TIAM2: variants seen among roughly 807,000 people sequenced by gnomAD.
TIAM2 encodes the protein rho guanine nucleotide exchange factor TIAM2.
In TIAM2, 80 loss-of-function variants were observed where a neutral mutation model predicts 152.9. The ratio of observed to expected loss-of-function variants is 0.52; its 90% CI spans 0.44 to 0.63. The LOEUF (loss-of-function observed/expected upper bound fraction) is 0.63. TIAM2 is among the 30% of genes least tolerant of loss of function. TIAM2 has a pLI of 0.00. For synonymous variants in TIAM2, 804 were observed against 838.0 expected, an observed-to-expected ratio of 0.96 and a Z score of 0.70; for missense variants, 1,965 against 2,120.1, an observed-to-expected ratio of 0.93 and a Z score of 1.44.
chr6:155,067,724 TC>T (rs1425836167), intron 1 of TIAM2, among the ~76,000 whole-genome samples: 1 of 152,142 alleles, frequency 6.6e-6, no homozygotes, highest in Non-Finnish European at 1.5e-5. Flanking sequence ...CACTGCAGCC[TC>T]CACCTCCCTG....
chr6:155,257,145 TAA>T lies in TIAM2; in HGVS notation c.*26_*27del, dbSNP rs1562380624. 3 of 1,584,422 alleles carry T rather than the reference TAA, an allele frequency of 1.9e-6. No individual in the cohort carries two copies. ...AGTATGATTCAATCCAGATATGGGT[TAA>T]ATTCCTCATTTTACTTTTAAACTGG... On this transcript the variant is annotated 3_prime_UTR_variant, in exon 27 of 27. Coordinates refer to ENST00000682666, the MANE Select transcript of TIAM2 (RefSeq NM_012454.4).
chr6:155,220,833 G>A (rs1263271058), intron 15 of TIAM2, among the ~76,000 whole-genome samples: 1 of 152,006 alleles, frequency 6.6e-6, no homozygotes, highest in Non-Finnish European at 1.5e-5. Context: ...TGTTACATAG[G>A]TATACATGTG....
chr6:155,137,804 A>G (rs1779590468), intron 5 of TIAM2, among the ~76,000 whole-genome samples, 192 bp downstream of exon 5: 1 of 152,166 alleles, frequency 6.6e-6, no homozygotes, highest in Admixed American at 6.5e-5. Context: ...CACATGTATT[A>G]TGCAGTTCAA....
chr6:154,999,542 T>C (rs1161125008), intron 1 of TIAM2, among the ~76,000 whole-genome samples: 1 of 152,058 alleles, frequency 6.6e-6, no homozygotes, highest in African/African-American at 2.4e-5. Context: ...TTATTTTCTA[T>C]AGGAGAAGTT....
At chr6:155,151,633 A>G (rs1406251846) in intron 7 of TIAM2, among the ~76,000 whole-genome samples, 1 of 152,188 alleles carries the variant, frequency 6.6e-6, no homozygotes, top group Non-Finnish European at 1.5e-5. Flanking sequence ...AGGACAAAGC[A>G]TGATGACTGT....
rs146592065 is a variant in TIAM2, at chr6:155,228,294, T to C, written c.3169-12236T>C. ...GGCTAACGGAGATTTGTCAGAGCTC[T>C]AGTCTGTCAAGAATTTGGTTATAGT... On this transcript the variant is annotated intron_variant, in intron 15 of 26. Coordinates refer to ENST00000682666, the MANE Select transcript of TIAM2 (RefSeq NM_012454.4). Among the ~76,000 whole-genome samples the C allele has an allele frequency of 2.3e-4, 35 of 152,370 alleles. No individual in the cohort carries two copies. In the East Asian group the frequency reaches 5.2e-3, roughly 23 times the overall value.
At chr6:155,048,946 G>T (rs960072907) in intron 1 of TIAM2, among the ~76,000 whole-genome samples, 9 of 151,930 alleles carry the variant, frequency 5.9e-5, no homozygotes, top group Admixed American at 2.6e-4. Context: ...GACTATAGGT[G>T]CATGCCACCA....
In TIAM2 at chr6:155,139,010, G is replaced by A. The variant is rs557448929; in HGVS notation, c.1630+1398G>A. ...TGATTTATGCAGATGCACCCAGAGCGGCCTCGCAGCCTCTGGCATTCTGCA... is the reference window on the plus strand; with the variant it reads ...TGATTTATGCAGATGCACCCAGAGCAGCCTCGCAGCCTCTGGCATTCTGCA... On this transcript the variant is annotated intron_variant, in intron 5 of 26. Transcript: ENST00000682666. 9.2e-5 allele frequency among the ~76,000 whole-genome samples: 14 copies of A among 152,330 alleles called. No individual in the cohort carries two copies. In the South Asian group the frequency reaches 1.0e-3, roughly 11 times the overall value.
chr6:155,155,402 C>T (rs1052086804), intron 7 of TIAM2, among the ~76,000 whole-genome samples: 12 of 152,094 alleles, frequency 7.9e-5, no homozygotes, highest in Admixed American at 5.9e-4. Context: ...CTGACCTCAA[C>T]TGATCCGCCT....
intron 1 of TIAM2, among the ~76,000 whole-genome samples, chr6:155,005,645 A>C (rs1379463941): frequency 6.8e-6 from 1 of 146,086 alleles, no homozygotes; most frequent in Non-Finnish European, 1.5e-5. Flanking sequence ...TGGCACTGTG[A>C]GAATTCTTTA....
At chr6:155,165,226 A>T in intron 8 of TIAM2, 37 bp from the exon 9 acceptor site, 3 of 1,578,480 alleles carry the variant, frequency 1.9e-6, no homozygotes, top group Non-Finnish European at 2.6e-6. Flanking sequence ...TCAAATACTA[A>T]GCCTTTAGAT....
intron 15 of TIAM2, among the ~76,000 whole-genome samples, chr6:155,224,123 G>A (rs1249449976): frequency 6.6e-6 from 1 of 152,104 alleles, no homozygotes; most frequent in Non-Finnish European, 1.5e-5. Flanking sequence ...TTCTTGCGTA[G>A]AGATTGTAGT....
intron 1 of TIAM2, among the ~76,000 whole-genome samples, chr6:155,006,163 G>A (rs1265299199): frequency 5.3e-5 from 8 of 152,252 alleles, no homozygotes; most frequent in South Asian, 4.2e-4. Flanking sequence ...ATGGGAGGCC[G>A]ACCCACGGCA....
intron 1 of TIAM2, among the ~76,000 whole-genome samples, chr6:155,010,736 C>A (rs1385357007): frequency 6.6e-6 from 1 of 152,116 alleles, no homozygotes; most frequent in Non-Finnish European, 1.5e-5. Flanking sequence ...CAGGCATGAG[C>A]CACTGCGCCC....
intron 2 of TIAM2, among the ~76,000 whole-genome samples, chr6:155,102,404 A>G (rs1562316373): frequency 6.6e-6 from 1 of 152,148 alleles, no homozygotes; most frequent in Admixed American, 6.5e-5. Context: ...CTTTATGATG[A>G]AGGATATGGG....
chr6:155,195,069 C>G (rs893728868), intron 14 of TIAM2, among the ~76,000 whole-genome samples: 8 of 152,192 alleles, frequency 5.3e-5, no homozygotes, highest in Non-Finnish European at 7.3e-5. Flanking sequence ...TTTATTTTAT[C>G]TATTACCCAG....
At position 155,176,837 on chromosome 6, in the gene TIAM2, T is replaced by C. The variant is rs753648802; in HGVS notation, c.2383T>C (p.Tyr795His). The C allele has an allele frequency of 6.2e-7, 1 of 1,612,596 alleles. No homozygotes were observed. ...ACAGGTCGATGAACTTCTGCATATATATGGTTCAACAGTAGACGGTGTTCC... is the reference window on the plus strand; with the variant it reads ...ACAGGTCGATGAACTTCTGCATATACATGGTTCAACAGTAGACGGTGTTCC... ...ITQVDELLHI[Y>H]GSTVDGVPRD... Residue 795 changes from tyrosine to histidine, a missense_variant, in exon 10 of 27, where the codon TAT becomes CAT. Tyr to His is a moderately conservative substitution (Grantham distance 83). Coordinates refer to ENST00000682666, the MANE Select transcript of TIAM2 (RefSeq NM_012454.4).
At position 155,211,215 on chromosome 6, in the gene TIAM2, G is replaced by A. The variant is rs1291597125; in HGVS notation, c.3076G>A (p.Val1026Ile). ...KKNTANDFSN[V>I]PDITTGLKRS... ...CATTTTTTATGCAGATTTCAGCAAC[G>A]TCCCTGATATCACAACAGGTCTGAA... Residue 1026 changes from valine to isoleucine, a missense_variant, in exon 15 of 27, where the codon GTC becomes ATC. Physicochemically the swap from Val to Ile is conservative, Grantham distance 29. Around this residue, in one of 3 missense-constraint regions of TIAM2, gnomAD observed 935 missense variants for 980.0 expected, o/e 0.95. Coordinates refer to ENST00000682666, the MANE Select transcript of TIAM2 (RefSeq NM_012454.4). 1.1e-5 allele frequency: 17 copies of A among 1,612,948 alleles called. No homozygotes were observed. Among genetic ancestry groups the A allele is most frequent in the South Asian group, 7.7e-5 (7 of 91,050 alleles).
At chr6:155,202,486 A>G (rs1269184978) in intron 14 of TIAM2, among the ~76,000 whole-genome samples, 1 of 152,104 alleles carries the variant, frequency 6.6e-6, no homozygotes, top group Non-Finnish European at 1.5e-5. Flanking sequence ...TGGCACAATC[A>G]CAAGCCACTG....
Sources: gnomAD v4.1 joint callset for allele counts (sites outside exome capture counted in the v4.1 genomes callset) on GRCh38, gnomAD v4.1.1 for gene constraint, gnomAD v4.1.1 regional missense constraint, MANE v1.5 for transcripts, NCBI Gene and HGNC (gene_info 2026-07-23, HGNC 2026-07-21) for gene names.